The following CACNA1C variants were observed in gnomAD, a reference collection of about 807,000 sequenced individuals.
CACNA1C encodes the protein voltage-dependent L-type calcium channel subunit alpha-1C.
In CACNA1C, 30 loss-of-function variants were observed where a neutral mutation model predicts 229.0. The ratio of observed to expected loss-of-function variants is 0.13; its 90% CI spans 0.10 to 0.18. CACNA1C has a LOEUF of 0.18. Among genes scored for constraint, CACNA1C ranks in the 10% least tolerant of loss-of-function variants. CACNA1C has a pLI of 1.00. For missense variants in CACNA1C, 1,658 were observed against 2,845.0 expected (o/e 0.58, Z 9.49); for synonymous variants, 1,114 against 1,132.5 (o/e 0.98, Z 0.33).
At chr12:2,196,555 C>T (rs2097408826) in intron 3 of CACNA1C, among the ~76,000 whole-genome samples, 1 of 152,184 alleles carries the variant, frequency 6.6e-6, no homozygotes, top group East Asian at 1.9e-4. Context: ...CTGTTTAGTG[C>T]ATAACACAGC....
chr12:2,487,970 C>T (rs1342829434), intron 6 of CACNA1C, among the ~76,000 whole-genome samples: 1 of 152,090 alleles, frequency 6.6e-6, no homozygotes, highest in Non-Finnish European at 1.5e-5. Flanking sequence ...TTATCAATGA[C>T]CCATTTGACC....
At position 2,544,148 on chromosome 12, in the gene CACNA1C, G is replaced by GA. The variant is rs796983264; in HGVS notation, c.1391-5780dup. Among the ~76,000 whole-genome samples, 748 of 121,450 alleles carry GA rather than the reference G, an allele frequency of 6.2e-3. 3 individuals carry two copies. Among genetic ancestry groups the GA allele is most frequent in the South Asian group, 0.015 (56 of 3,770 alleles). The allele number at this position is 121,450 out of a possible 152,430, so 79.7% of individuals were successfully genotyped here. ...TTTGCATGTAGGATTTCTGAGAAGT[G>GA]AAAAAAAAAAAAAAACCTGCCGGTT... is the stretch of plus-strand genomic sequence containing the variant. On this transcript the variant is annotated intron_variant, in intron 9 of 46. Coordinates refer to ENST00000399655, the MANE Select transcript of CACNA1C (RefSeq NM_000719.7).
chr12:2,542,343 C>G (rs894183671), intron 9 of CACNA1C, among the ~76,000 whole-genome samples: 3 of 152,210 alleles, frequency 2.0e-5, no homozygotes, highest in African/African-American at 7.2e-5. Context: ...AGATTCACTA[C>G]TTGGAGACTT....
At chr12:2,379,596 T>C (rs2098175548) in intron 3 of CACNA1C, among the ~76,000 whole-genome samples, 1 of 152,066 alleles carries the variant, frequency 6.6e-6, no homozygotes, top group African/African-American at 2.4e-5. Context: ...AGTCCATCTC[T>C]CATTTTACTG....
chr12:2,114,379 CT>C (rs980240527), intron 1 of CACNA1C, among the ~76,000 whole-genome samples: 3 of 151,420 alleles, frequency 2.0e-5, no homozygotes, highest in South Asian at 2.1e-4. Context: ...TGCAACGTGG[CT>C]TTTTTTTTAA....
intron 3 of CACNA1C, among the ~76,000 whole-genome samples, chr12:2,345,908 T>G (rs2097000050): frequency 6.6e-6 from 1 of 152,178 alleles, no homozygotes; most frequent in Non-Finnish European, 1.5e-5. Context: ...GGTCCAGGAC[T>G]TGGAGGAAGG....
rs2154566833 is a variant in CACNA1C, at chr12:2,466,706, A to AT, written c.757+9002dup. 2.0e-5 allele frequency among the ~76,000 whole-genome samples: 3 copies of AT among 152,264 alleles called. No individual in the cohort carries two copies. The East Asian group carries it at 5.8e-4, about 29-fold the overall frequency. On this transcript the variant is annotated intron_variant, in intron 5 of 46. Coordinates refer to ENST00000399655, the MANE Select transcript of CACNA1C (RefSeq NM_000719.7). Reference sequence around the variant, plus strand: ...CAGAGGACCCAGCCTCCAGCCCTGCATTCACCCGGACAAGCCTGGAGACCT... The same window carrying AT: ...CAGAGGACCCAGCCTCCAGCCCTGCATTTCACCCGGACAAGCCTGGAGACCT...
At chr12:2,623,019 C>T (rs193254277) in intron 29 of CACNA1C, among the ~76,000 whole-genome samples, 101 of 152,278 alleles carry the variant, frequency 6.6e-4, no homozygotes, top group African/African-American at 1.8e-3. Context: ...TGTAGTCTTT[C>T]GATGTACAGG....
At chr12:2,535,306 A>G (rs993321273) in intron 9 of CACNA1C, among the ~76,000 whole-genome samples, 57 of 149,910 alleles carry the variant, frequency 3.8e-4, no homozygotes, top group African/African-American at 1.3e-3. Flanking sequence ...GGAGAATGAC[A>G]TGAACCTGGG....
chr12:2,652,183 C>T (rs1394738962), intron 32 of CACNA1C, among the ~76,000 whole-genome samples: 2 of 152,180 alleles, frequency 1.3e-5, no homozygotes, highest in Non-Finnish European at 2.9e-5. Flanking sequence ...TGGCCATCGC[C>T]CTCCTCCCCG....
At chr12:2,353,788 G>A (rs1567201541) in intron 3 of CACNA1C, among the ~76,000 whole-genome samples, 1 of 152,186 alleles carries the variant, frequency 6.6e-6, no homozygotes, top group African/African-American at 2.4e-5. Flanking sequence ...GCCAGAGCCT[G>A]TTTGTGGGAT....
intron 3 of CACNA1C, among the ~76,000 whole-genome samples, chr12:2,240,901 C>T (rs1350690806): frequency 2.0e-5 from 3 of 152,102 alleles, no homozygotes; most frequent in African/African-American, 7.2e-5. Context: ...CTCTCTACAC[C>T]GTCTCAGTGG....
At chr12:2,598,379 C>T (rs1025686208) in intron 21 of CACNA1C, among the ~76,000 whole-genome samples, 2 of 152,286 alleles carry the variant, frequency 1.3e-5, no homozygotes, top group Admixed American at 1.3e-4. Context: ...CTCCATTTTT[C>T]GGGTATATTT....
rs559693683 is a variant in CACNA1C, at chr12:1,976,966, A to G, written c.139+5765A>G. 1.4e-4 allele frequency among the ~76,000 whole-genome samples: 22 copies of G among 152,334 alleles called. No individual in the cohort carries two copies. In the East Asian group the frequency reaches 3.9e-3, roughly 27 times the overall value. ...AGGGGTTTGTGACTCACAGAAGATTAGGAACTACTATTTGCGACTATCAAT... is the reference window on the plus strand; with the variant it reads ...AGGGGTTTGTGACTCACAGAAGATTGGGAACTACTATTTGCGACTATCAAT... On this transcript the variant is annotated intron_variant, in intron 1 of 46. Coordinates refer to the CACNA1C transcript ENST00000682462.
At chr12:2,475,592 A>G (rs1263674375) in intron 5 of CACNA1C, among the ~76,000 whole-genome samples, 2 of 152,250 alleles carry the variant, frequency 1.3e-5, no homozygotes, top group Non-Finnish European at 2.9e-5. Context: ...TGAAAAAGGC[A>G]GTGAATGGAT....
chr12:2,558,071 G>A (rs1465038607), intron 11 of CACNA1C, among the ~76,000 whole-genome samples: 1 of 152,218 alleles, frequency 6.6e-6, no homozygotes. Context: ...ATCCAGCTGA[G>A]TAAATGTAGC....
At chr12:2,401,393 C>T (rs1166460423) in intron 3 of CACNA1C, among the ~76,000 whole-genome samples, 1 of 152,254 alleles carries the variant, frequency 6.6e-6, no homozygotes, top group African/African-American at 2.4e-5. Context: ...ATTCATTTCA[C>T]ACCCTTGTGA....
intron 29 of CACNA1C, among the ~76,000 whole-genome samples, chr12:2,623,481 G>GCAT (rs1392586752): frequency 6.6e-6 from 1 of 152,056 alleles, no homozygotes; most frequent in Non-Finnish European, 1.5e-5. Context: ...CTCTAGTGCT[G>GCAT]CATCCTTCAA....
At chr12:2,638,027 C>T (rs1042082131) in intron 30 of CACNA1C, among the ~76,000 whole-genome samples, 1 of 152,220 alleles carries the variant, frequency 6.6e-6, no homozygotes, top group Non-Finnish European at 1.5e-5. Flanking sequence ...TAGAGTCTCA[C>T]TTCCTATACG....
Sources: gnomAD v4.1 joint callset for allele counts (sites outside exome capture counted in the v4.1 genomes callset) on GRCh38, gnomAD v4.1.1 for gene constraint, MANE v1.5 for transcripts, NCBI Gene and HGNC (gene_info 2026-07-23, HGNC 2026-07-21) for gene names.